The following RGS20 variants were observed in gnomAD, a reference collection of about 807,000 sequenced individuals.
RGS20 encodes regulator of G protein signaling 20, also known as gz-selective GTPase-activating protein.
Under a neutral mutation model 33.6 loss-of-function variants are expected in RGS20, and 30 were observed. That is an observed-to-expected ratio of 0.89 (90% confidence interval 0.67 to 1.21). The LOEUF (loss-of-function observed/expected upper bound fraction) is 1.21. Ranked by LOEUF, RGS20 falls within the 50% of genes most tolerant of loss-of-function variation. RGS20 has a pLI of 0.00. For missense variants in RGS20, 472 were observed against 502.4 expected, an observed-to-expected ratio of 0.94 and a Z score of 0.58; for synonymous variants, 208 against 197.9, an observed-to-expected ratio of 1.05 and a Z score of -0.43.
intron 3 of RGS20, chr8:53,946,461 C>A: frequency 4.9e-6 from 3 of 614,428 alleles, no homozygotes; most frequent in Non-Finnish European, 8.8e-6. Context: ...ATAGTAGAAA[C>A]CACAACGTTT....
rs1230132455 is a variant in RGS20, at chr8:53,877,107, C to A, written c.166-2151C>A. Reference sequence around the variant, plus strand: ...GACCCACGAAAGGCTTTGGAGCTCGCTCGGGCTCCTCGAAGTTGGGCGTGC... The same window carrying A: ...GACCCACGAAAGGCTTTGGAGCTCGATCGGGCTCCTCGAAGTTGGGCGTGC... On this transcript the variant is annotated intron_variant, in intron 1 of 5. Coordinates refer to ENST00000297313, the MANE Select transcript of RGS20 (RefSeq NM_170587.4). This position sits in a 1 kb window ranked among gnomAD's most constrained non-coding sequence, Gnocchi z 5.7. Among the ~76,000 whole-genome samples, 2 of 152,222 alleles carry A rather than the reference C, an allele frequency of 1.3e-5. No homozygotes were observed. Among genetic ancestry groups the A allele is most frequent in the Non-Finnish European group, 2.9e-5 (2 of 68,046 alleles).
rs186855124 is a variant in RGS20, at chr8:53,920,322, C to T, written c.511-19254C>T. Reference sequence around the variant, plus strand: ...TCTTATATCACTTCCAGAATGTTCACTGCTAGTGTACAGAAATACAATTGA... The same window carrying T: ...TCTTATATCACTTCCAGAATGTTCATTGCTAGTGTACAGAAATACAATTGA... On this transcript the variant is annotated intron_variant, in intron 2 of 5. Coordinates refer to ENST00000297313, the MANE Select transcript of RGS20 (RefSeq NM_170587.4). Among the ~76,000 whole-genome samples, 584 of 152,250 alleles carry T rather than the reference C, an allele frequency of 3.8e-3. 6 individuals carry two copies. Among genetic ancestry groups the T allele is most frequent in the African/African-American group, 0.013 (561 of 41,566 alleles).
chr8:53,893,491 C>T (rs1812772813), intron 2 of RGS20, among the ~76,000 whole-genome samples: 1 of 152,192 alleles, frequency 6.6e-6, no homozygotes. Context: ...CCTGTCATCT[C>T]ACTCTTATTA....
intron 5 of RGS20, among the ~76,000 whole-genome samples, chr8:53,956,914 G>A (rs1044113899): frequency 2.0e-5 from 3 of 152,142 alleles, no homozygotes; most frequent in Non-Finnish European, 4.4e-5. Context: ...ATGGGAGGCC[G>A]AAGCAGGCAG....
At chr8:53,873,018 C>T (rs1054663507) in intron 1 of RGS20, among the ~76,000 whole-genome samples, 4 of 152,002 alleles carry the variant, frequency 2.6e-5, no homozygotes, top group Admixed American at 6.6e-5. Flanking sequence ...TGGTAGGAGG[C>T]GATTGAGTCA....
At chr8:53,894,402 T>C (rs2128819) in intron 2 of RGS20, among the ~76,000 whole-genome samples, 24,560 of 152,204 alleles carry the variant, frequency 0.16, 5,772 homozygotes, top group African/African-American at 0.52. Flanking sequence ...GATTCTCCCA[T>C]GCACATCCTA....
Position 53,881,225 on chromosome 8 carries a change from G to A in RGS20, c.510+1623G>A, listed in dbSNP as rs564842137. On this transcript the variant is annotated intron_variant, in intron 2 of 5. Transcript: ENST00000297313. ...TCGCCGTTGCTGCGGGGCGGGAGCC[G>A]GTGCGAGTCGGGGGTTCCTTCCCGC... 276 of 607,484 alleles carry A rather than the reference G, an allele frequency of 4.5e-4. 1 individual carries two copies. The highest frequency in any genetic ancestry group is 6.3e-4 in the Non-Finnish European group (237 of 378,518). 37.6% of individuals were successfully genotyped at this position (607,484 alleles called of 1,614,324 possible).
chr8:53,928,870 A>G (rs894725621), intron 2 of RGS20, among the ~76,000 whole-genome samples: 6 of 152,174 alleles, frequency 3.9e-5, no homozygotes, highest in Admixed American at 3.9e-4. Flanking sequence ...AATGTCTTAT[A>G]TATCTAAACT....
intron 2 of RGS20, among the ~76,000 whole-genome samples, chr8:53,927,201 G>GTT (rs553191513): frequency 1.2e-4 from 15 of 126,936 alleles, no homozygotes; most frequent in African/African-American, 1.7e-4. Flanking sequence ...TTTTTGGGGC[G>GTT]TTTTTTTTTT....
intron 2 of RGS20, among the ~76,000 whole-genome samples, chr8:53,924,263 C>T (rs1399603364): frequency 1.3e-5 from 2 of 151,840 alleles, no homozygotes; most frequent in Non-Finnish European, 2.9e-5. Context: ...TATGTTGGCT[C>T]ACAGCAACCT....
chr8:53,929,334 T>G (rs1813889910), intron 2 of RGS20, among the ~76,000 whole-genome samples: 1 of 152,208 alleles, frequency 6.6e-6, no homozygotes, highest in African/African-American at 2.4e-5. Flanking sequence ...AAAGCTGTTT[T>G]TAAAAATGTA....
chr8:53,953,566 G>C (rs1486057467), intron 4 of RGS20, among the ~76,000 whole-genome samples: 1 of 151,598 alleles, frequency 6.6e-6, no homozygotes, highest in Non-Finnish European at 1.5e-5. Flanking sequence ...GGACAGTACA[G>C]CGGTGGCATT....
chr8:53,889,194 C>T (rs1812632240), intron 2 of RGS20, among the ~76,000 whole-genome samples: 1 of 152,102 alleles, frequency 6.6e-6, no homozygotes, highest in Non-Finnish European at 1.5e-5. Context: ...ACATCCTCAC[C>T]AGTACTTAGT....
At chr8:53,892,170 T>G (rs896970033) in intron 2 of RGS20, among the ~76,000 whole-genome samples, 2 of 152,236 alleles carry the variant, frequency 1.3e-5, no homozygotes, top group Admixed American at 1.3e-4. Flanking sequence ...GATAGTTTAC[T>G]GAGAATGATG....
At chr8:53,928,194 C>G (rs1813856797) in intron 2 of RGS20, among the ~76,000 whole-genome samples, 1 of 152,120 alleles carries the variant, frequency 6.6e-6, no homozygotes, top group Non-Finnish European at 1.5e-5. Flanking sequence ...CAATAATTAT[C>G]AAATCAACAT....
intron 2 of RGS20, among the ~76,000 whole-genome samples, chr8:53,926,703 G>C (rs1398753224): frequency 6.6e-6 from 1 of 152,102 alleles, no homozygotes; most frequent in Non-Finnish European, 1.5e-5. Context: ...CTTGAGGTCA[G>C]GAATTCGACA....
chr8:53,929,322 A>C (rs1373515425), intron 2 of RGS20, among the ~76,000 whole-genome samples: 1 of 152,214 alleles, frequency 6.6e-6, no homozygotes, highest in African/African-American at 2.4e-5. Flanking sequence ...TTAGACCTCA[A>C]TAAAGCTGTT....
chr8:53,855,104 G>A (rs781272111), intron 1 of RGS20, among the ~76,000 whole-genome samples: 3 of 151,604 alleles, frequency 2.0e-5, no homozygotes, highest in Non-Finnish European at 2.9e-5. Context: ...TTGCTCTGTC[G>A]CCCAGGCTGG....
intron 2 of RGS20, among the ~76,000 whole-genome samples, chr8:53,889,390 TTC>T (rs1812637949): frequency 7.2e-6 from 1 of 139,658 alleles, no homozygotes; most frequent in Non-Finnish European, 1.5e-5. Flanking sequence ...TTCTTTTTCT[TTC>T]TTTCTTTCTC....
Sources: allele counts gnomAD v4.1 joint callset (sites outside exome capture counted in the v4.1 genomes callset), GRCh38; gene constraint gnomAD v4.1.1; non-coding constraint Gnocchi (gnomAD v3.1); transcripts MANE v1.5; gene names NCBI Gene and HGNC (gene_info 2026-07-23, HGNC 2026-07-21).